PCDHA10: variants seen among roughly 807,000 people sequenced by gnomAD.
PCDHA10 encodes the protein protocadherin alpha-10.
In PCDHA10, 45 loss-of-function variants were observed where a neutral mutation model predicts 61.2. The ratio of observed to expected loss-of-function variants is 0.74; its 90% CI spans 0.58 to 0.94. The LOEUF is 0.94. Among genes scored for constraint, PCDHA10 ranks in the 40% least tolerant of loss-of-function variants. PCDHA10 has a pLI of 0.00. For missense variants in PCDHA10, 1,278 were observed against 1,236.2 expected (o/e 1.03, Z -0.51); for synonymous variants, 602 against 548.8 (o/e 1.10, Z -1.35).
intron 1 of PCDHA10, among the ~76,000 whole-genome samples, chr5:140,906,949 A>G (rs1349850915): frequency 1.3e-5 from 2 of 152,144 alleles, no homozygotes; most frequent in Non-Finnish European, 2.9e-5. Flanking sequence ...CTTAATTTCC[A>G]GTTTAATGGA....
chr5:140,875,261 G>T, intron 1 of PCDHA10: 1 of 1,130,462 alleles, frequency 8.8e-7, no homozygotes, highest in East Asian at 2.7e-5. Flanking sequence ...ACATGATGTC[G>T]CTCTACACTC....
chr5:140,859,697 G>T (rs1233998662), intron 1 of PCDHA10: 1 of 154,148 alleles, frequency 6.5e-6, no homozygotes, highest in Non-Finnish European at 1.4e-5. Flanking sequence ...TATTGTTCAA[G>T]TTTAGGAACA....
chr5:140,966,488 C>G (rs1161799910), intron 1 of PCDHA10: 7 of 440,132 alleles, frequency 1.6e-5, no homozygotes, highest in East Asian at 1.1e-4. Context: ...TTTCCCTCCC[C>G]CTGGAGCTGT....
intron 1 of PCDHA10, chr5:140,870,778 G>T: frequency 1.2e-6 from 2 of 1,613,620 alleles, no homozygotes; most frequent in South Asian, 1.1e-5. Context: ...GGACGAGAAC[G>T]ACAACGCGCC....
chr5:140,917,942 A>G (rs781844380), intron 1 of PCDHA10, among the ~76,000 whole-genome samples: 5 of 152,048 alleles, frequency 3.3e-5, no homozygotes, highest in African/African-American at 4.8e-5. Flanking sequence ...TAATATTGGT[A>G]GTTTGATAGG....
intron 1 of PCDHA10, among the ~76,000 whole-genome samples, chr5:140,874,488 A>G (rs1452122658): frequency 2.0e-5 from 3 of 152,254 alleles, no homozygotes; most frequent in African/African-American, 7.2e-5. Flanking sequence ...CAAAAGGTTG[A>G]TATCAAGTTC....
chr5:140,974,419 C>T (rs998974699), intron 1 of PCDHA10, among the ~76,000 whole-genome samples: 1 of 152,208 alleles, frequency 6.6e-6, no homozygotes, highest in African/African-American at 2.4e-5. Flanking sequence ...GTTTATTTTA[C>T]TTTCCTGGTT....
intron 1 of PCDHA10, chr5:140,928,070 A>G (rs1408962097): frequency 1.9e-6 from 3 of 1,614,058 alleles, no homozygotes; most frequent in East Asian, 4.5e-5. Flanking sequence ...TCCTTTGACA[A>G]CTACTACAGC....
At chr5:140,987,963 T>C (rs2097275753) in intron 3 of PCDHA10, among the ~76,000 whole-genome samples, 1 of 152,190 alleles carries the variant, frequency 6.6e-6, no homozygotes, top group Non-Finnish European at 1.5e-5. Context: ...CAACTCCCCA[T>C]GGAAAGACTC....
In PCDHA10 at chr5:140,857,915, G is replaced by A. The variant is rs1265955881; in HGVS notation, c.1867G>A (p.Val623Met). The A allele has an allele frequency of 4.6e-5, 74 of 1,597,796 alleles. 10 individuals carry two copies. The highest frequency in any genetic ancestry group is 6.0e-5 in the Non-Finnish European group (70 of 1,167,592). The change falls in exon 1 of 4, where the codon GTG (valine) becomes ATG (methionine). Residue 623 changes from valine to methionine, a missense_variant. Transcript: ENST00000307360. ...AAVGARIPFRVGLYTGEISTT... is the reference protein window; with the variant it reads ...AAVGARIPFRMGLYTGEISTT... ...GGTTGGTGCACGCATCCCGTTTCGC[G>A]TGGGGCTGTACACGGGCGAGATCAG...
intron 1 of PCDHA10, chr5:140,928,695 C>T (rs782305388): frequency 9.3e-6 from 15 of 1,614,058 alleles, no homozygotes; most frequent in Non-Finnish European, 1.3e-5. Context: ...ACCACATCTC[C>T]CGGGCGTCTG....
At chr5:140,926,859 G>A in intron 1 of PCDHA10, 1 of 1,521,332 alleles carries the variant, frequency 6.6e-7, no homozygotes, top group Non-Finnish European at 8.8e-7. Context: ...CGTTGGTGTA[G>A]CGTGTTGGTG....
intron 1 of PCDHA10, chr5:140,928,238 A>T (rs147430561): frequency 1.9e-6 from 3 of 1,614,188 alleles, no homozygotes; most frequent in Non-Finnish European, 2.5e-6. Context: ...CCTCAACCCC[A>T]GCAGGAACTT....
At chr5:140,990,780 G>A (rs900658402) in intron 3 of PCDHA10, among the ~76,000 whole-genome samples, 20 of 152,192 alleles carry the variant, frequency 1.3e-4, no homozygotes, top group African/African-American at 4.8e-4. Flanking sequence ...CTCTGTGTTG[G>A]ACGATGAACC....
At chr5:140,897,841 C>G (rs1272606504) in intron 1 of PCDHA10, among the ~76,000 whole-genome samples, 2 of 152,282 alleles carry the variant, frequency 1.3e-5, no homozygotes, top group South Asian at 2.1e-4. Flanking sequence ...CACATCCTCT[C>G]CAGCACCTGT....
chr5:140,860,083 G>T (rs781794157), intron 1 of PCDHA10: 12 of 151,782 alleles, frequency 7.9e-5, no homozygotes, highest in Non-Finnish European at 1.5e-4. Context: ...GAGGCCAGGA[G>T]TTCAAGACCA....
chr5:140,917,442 G>C (rs186885625), intron 1 of PCDHA10, among the ~76,000 whole-genome samples: 5 of 152,072 alleles, frequency 3.3e-5, no homozygotes, highest in Admixed American at 3.3e-4. Flanking sequence ...TGTTTTTGCT[G>C]CAAGAGCGTT....
At chr5:140,916,263 C>A (rs541005754) in intron 1 of PCDHA10, among the ~76,000 whole-genome samples, 43 of 152,316 alleles carry the variant, frequency 2.8e-4, no homozygotes, top group African/African-American at 1.0e-3. Flanking sequence ...ACCCCAAGAG[C>A]ATGCTTGTTG....
chr5:140,949,852 T>C (rs1311994394), intron 1 of PCDHA10, among the ~76,000 whole-genome samples: 1 of 151,956 alleles, frequency 6.6e-6, no homozygotes. Context: ...TGTTTCCGCT[T>C]ATCTGTTGTC....
Sources: allele counts gnomAD v4.1 joint callset (sites outside exome capture counted in the v4.1 genomes callset), GRCh38; gene constraint gnomAD v4.1.1; transcripts MANE v1.5; gene names NCBI Gene and HGNC (gene_info 2026-07-23, HGNC 2026-07-21).